Variants in PPP1R13B observed in about 807,000 individuals in gnomAD.
The protein encoded by PPP1R13B is apoptosis-stimulating of p53 protein 1.
A neutral mutation model predicts 119.8 loss-of-function variants in PPP1R13B; 44 were observed. The ratio of observed to expected loss-of-function variants is 0.37; its 90% CI spans 0.29 to 0.47. The LOEUF (loss-of-function observed/expected upper bound fraction) is 0.47. PPP1R13B is among the 20% of genes least tolerant of loss of function. The probability of loss-of-function intolerance (pLI) is 0.99; values close to 1 mark genes in which losing one functional copy is unlikely to be tolerated. For missense variants in PPP1R13B, 1,227 were observed against 1,413.5 expected, an observed-to-expected ratio of 0.87 and a Z score of 2.12; for synonymous variants, 542 against 561.5, an observed-to-expected ratio of 0.97 and a Z score of 0.49.
intron 1 of PPP1R13B, among the ~76,000 whole-genome samples, chr14:103,827,011 CAA>C (rs1284610424): frequency 1.7e-5 from 2 of 121,172 alleles, no homozygotes; most frequent in African/African-American, 3.1e-5. Flanking sequence ...AACTCCATCT[CAA>C]AAAAAAAAAG....
At chr14:103,794,846 T>C (rs1360458203) in intron 2 of PPP1R13B, among the ~76,000 whole-genome samples, 1 of 152,208 alleles carries the variant, frequency 6.6e-6, no homozygotes, top group African/African-American at 2.4e-5. Context: ...CTATGAACAC[T>C]AGGCTGGACA....
rs761432021 is a variant in PPP1R13B at position 103,778,734 on chromosome 14, C to CT, written c.354+10dup. 1.1e-5 allele frequency: 17 copies of CT among 1,605,316 alleles called. No homozygotes were observed. In the South Asian group the frequency reaches 1.9e-4, roughly 18 times the overall value. ...AATTTTTAAAATTCAATTTAATTCA[C>CT]TGTCACTTACCCCATTTTCAGTACG... On this transcript the variant is annotated intron_variant, in intron 4 of 16. Coordinates refer to ENST00000202556, the MANE Select transcript of PPP1R13B (RefSeq NM_015316.3).
chr14:103,739,865 C>T lies in PPP1R13B; in HGVS notation c.2551G>A (p.Ala851Thr). The T allele has an allele frequency of 6.2e-7, 1 of 1,613,454 alleles. No homozygotes were observed. Among genetic ancestry groups the T allele is most frequent in the Non-Finnish European group, 8.5e-7 (1 of 1,179,818 alleles). The part of the protein sequence containing the change: ...PSPGEEQVPP[A>T]PLPPASHPPA... ...GGGTGGCTGGCAGGGGGAAGAGGTG[C>T]TGGAGGGACCTGCTCTTCCCCTGGA... The change falls in exon 12 of 17, where the codon GCA becomes ACA. Residue 851 changes from alanine (A) to threonine (T), a missense_variant. Physicochemically the swap from Ala to Thr is moderately conservative, Grantham distance 58. Transcript: ENST00000202556.
chr14:103,746,540 T>C lies in PPP1R13B; in HGVS notation c.983A>G (p.Asn328Ser). 1.3e-6 allele frequency: 2 copies of C among 1,593,436 alleles called. No individual in the cohort carries two copies. Among genetic ancestry groups the C allele is most frequent in the Non-Finnish European group, 8.6e-7 (1 of 1,168,254 alleles). The change falls in exon 9 of 17, where the codon AAT becomes AGT. Residue 328 changes from asparagine to serine, a missense_variant. Asn to Ser is a conservative substitution (Grantham distance 46). Transcript: ENST00000202556. ...YGKKIQLNRVNGTSSPQSPLS... is the reference protein window; with the variant it reads ...YGKKIQLNRVSGTSSPQSPLS... Reference sequence around the variant, plus strand: ...AGGGGACTGTGGTGATGACGTGCCATTCACACGGTTCAGCTACAAATTGGG... The same window carrying C: ...AGGGGACTGTGGTGATGACGTGCCACTCACACGGTTCAGCTACAAATTGGG...
chr14:103,741,449 C>G (rs1358329024), intron 11 of PPP1R13B, among the ~76,000 whole-genome samples: 1 of 152,170 alleles, frequency 6.6e-6, no homozygotes, highest in Non-Finnish European at 1.5e-5. Flanking sequence ...CCACCCTCTA[C>G]GCACTGGACA....
At chr14:103,748,080 C>G (rs1595719219) in intron 8 of PPP1R13B, among the ~76,000 whole-genome samples, 1 of 107,350 alleles carries the variant, frequency 9.3e-6, no homozygotes, top group African/African-American at 6.8e-5. Flanking sequence ...CACACACACA[C>G]ACACACACAC....
At chr14:103,826,639 T>A (rs1397458470) in intron 1 of PPP1R13B, among the ~76,000 whole-genome samples, 1 of 150,170 alleles carries the variant, frequency 6.7e-6, no homozygotes, top group Non-Finnish European at 1.5e-5. Flanking sequence ...ATGGTAGGTA[T>A]AGGCCATGCA....
At position 103,834,774 on chromosome 14, in the gene PPP1R13B, G is replaced by T. The variant is rs978400380; in HGVS notation, c.9+12525C>A. On this transcript the variant is annotated intron_variant, in intron 1 of 16. Transcript: ENST00000202556. ...CCTGGCTATTTTTTTTGTATTCTTAGTGGAGATGAGGTTTCACCATGTTGG... is the reference window on the plus strand; with the variant it reads ...CCTGGCTATTTTTTTTGTATTCTTATTGGAGATGAGGTTTCACCATGTTGG... Among the ~76,000 whole-genome samples, 3 of 151,676 alleles carry T rather than the reference G, an allele frequency of 2.0e-5. No individual in the cohort carries two copies. In the East Asian group the frequency reaches 5.8e-4, roughly 29 times the overall value.
At chr14:103,777,295 C>T (rs188819016) in intron 4 of PPP1R13B, among the ~76,000 whole-genome samples, 58 of 152,180 alleles carry the variant, frequency 3.8e-4, no homozygotes, top group African/African-American at 1.2e-3. Context: ...GCCCAGCCAA[C>T]ACCAACATTT....
chr14:103,778,420 C>T (rs903974276), intron 4 of PPP1R13B, among the ~76,000 whole-genome samples: 1 of 152,046 alleles, frequency 6.6e-6, no homozygotes, highest in Non-Finnish European at 1.5e-5. Context: ...TGCCACCATG[C>T]CTGGCTAATT....
intron 2 of PPP1R13B, among the ~76,000 whole-genome samples, chr14:103,793,223 A>C (rs990164037): frequency 6.6e-6 from 1 of 151,978 alleles, no homozygotes; most frequent in African/African-American, 2.4e-5. Flanking sequence ...AAAGGAAAGA[A>C]AAGGAAAAAA....
intron 2 of PPP1R13B, chr14:103,794,725 C>G: frequency 2.5e-6 from 1 of 396,342 alleles, no homozygotes; most frequent in Non-Finnish European, 4.9e-6. Context: ...AAGGCTGTTA[C>G]AGTGCTTGCC....
chr14:103,763,125 T>C (rs2084849963), intron 4 of PPP1R13B: 2 of 678,158 alleles, frequency 2.9e-6, no homozygotes, highest in South Asian at 1.8e-5. Context: ...TTCCCGCAGC[T>C]CCCTCACACT....
chr14:103,749,275 T>C lies in PPP1R13B; in HGVS notation c.969+519A>G, dbSNP rs565630058. Reference sequence around the variant, plus strand: ...AGTATTTACTACCTTTAAAATTCAGTATCAAATAAGGATTTTTTAGAAGCA... The same window carrying C: ...AGTATTTACTACCTTTAAAATTCAGCATCAAATAAGGATTTTTTAGAAGCA... On this transcript the variant is annotated intron_variant, in intron 8 of 16. Coordinates refer to ENST00000202556, the MANE Select transcript of PPP1R13B (RefSeq NM_015316.3). Among the ~76,000 whole-genome samples, 5 of 152,308 alleles carry C rather than the reference T, an allele frequency of 3.3e-5. No homozygotes were observed. In the East Asian group the frequency reaches 9.6e-4, roughly 29 times the overall value.
chr14:103,768,758 A>G (rs971827763), intron 4 of PPP1R13B, among the ~76,000 whole-genome samples: 6 of 151,984 alleles, frequency 3.9e-5, no homozygotes, highest in Non-Finnish European at 8.8e-5. Context: ...TTTAGGAGAG[A>G]TGGGGTTTCA....
intron 4 of PPP1R13B, among the ~76,000 whole-genome samples, chr14:103,759,853 G>A (rs142752921): frequency 2.4e-3 from 370 of 152,222 alleles, no homozygotes; most frequent in Admixed American, 4.8e-3. Context: ...AAACCAAAAA[G>A]TATTTTATTT....
chr14:103,742,443 T>C lies in PPP1R13B; in HGVS notation c.1321-152A>G. ...GGGGCACACTGTTGAGCTCATTGCC[T>C]GTCTGCAAAAGTTCTGACCGAAAGG... On this transcript the variant is annotated intron_variant, in intron 10 of 16. Transcript: ENST00000202556. The surrounding 1 kb of genome is among the most constrained non-coding windows in gnomAD (Gnocchi z 4.9). 7.8e-7 allele frequency: 1 copy of C among 1,289,008 alleles called. No individual in the cohort carries two copies. Among genetic ancestry groups the C allele is most frequent in the Non-Finnish European group, 1.0e-6 (1 of 953,744 alleles). The allele number at this position is 1,289,008 out of a possible 1,614,324, so 79.8% of individuals were successfully genotyped here. A position where few individuals can be genotyped will look rare whatever the true frequency, so the allele number is the denominator to read the frequency against.
intron 1 of PPP1R13B, among the ~76,000 whole-genome samples, chr14:103,830,943 AT>A (rs34201103): frequency 0.04 from 5,684 of 142,272 alleles, 205 homozygotes; most frequent in African/African-American, 0.12. Flanking sequence ...TACTCAAGTA[AT>A]TTTTTTTTTT....
In PPP1R13B at chr14:103,754,240, T is replaced by C. The variant is rs761367335; in HGVS notation, c.461A>G (p.Gln154Arg). 6 of 1,601,150 alleles carry C rather than the reference T, an allele frequency of 3.7e-6. No individual in the cohort carries two copies. In the African/African-American group the frequency reaches 6.8e-5, roughly 18 times the overall value. Residue 154 changes from glutamine (Q) to arginine (R), a missense_variant, in exon 6 of 17, where the codon CAG becomes CGG. Physicochemically the swap from Gln to Arg is conservative, Grantham distance 43. Transcript: ENST00000202556. ...NQQQMLVAKE[Q>R]RLHFLKQQER... is the part of the protein sequence containing the mutation. ...CTGTTGCTTTAGAAAATGTAAACGC[T>C]GTTCCTAACAAAAGAAAGAAAAATG...
Sources: gnomAD v4.1 joint callset for allele counts (sites outside exome capture counted in the v4.1 genomes callset) on GRCh38, gnomAD v4.1.1 for gene constraint, Gnocchi (gnomAD v3.1) non-coding constraint, MANE v1.5 for transcripts, NCBI Gene and HGNC (gene_info 2026-07-23, HGNC 2026-07-21) for gene names.